EXOC3L2: variants seen among roughly 807,000 people sequenced by gnomAD.
EXOC3L2 encodes exocyst complex component 3-like protein 2.
A neutral mutation model predicts 44.4 loss-of-function variants in EXOC3L2; 17 were observed. That is an observed-to-expected ratio of 0.38 (90% confidence interval 0.26 to 0.57). EXOC3L2 has a LOEUF of 0.57. Among genes scored for constraint, EXOC3L2 ranks in the 20% least tolerant of loss-of-function variants. EXOC3L2 has a pLI of 0.65. For synonymous variants in EXOC3L2, 256 were observed against 253.7 expected (o/e 1.01, Z -0.09); for missense variants, 541 against 588.4 (o/e 0.92, Z 0.83).
intron 10 of EXOC3L2, chr19:45,216,876 A>C (rs547179276): frequency 6.6e-6 from 1 of 152,080 alleles, no homozygotes; most frequent in African/African-American, 2.4e-5. Flanking sequence ...TGGAACTCCA[A>C]GAAGAGCGAC....
rs1272964828 is a variant in EXOC3L2 at position 45,238,174 on chromosome 19, T to C, written c.523+349A>G. 6.6e-6 allele frequency among the ~76,000 whole-genome samples: 1 copy of C among 151,262 alleles called. No homozygotes were observed. On this transcript the variant is annotated intron_variant, in intron 2 of 11. Coordinates refer to ENST00000413988, the MANE Select transcript of EXOC3L2 (RefSeq NM_001382422.1). The surrounding 1 kb of genome is among the most constrained non-coding windows in gnomAD (Gnocchi z 5.5). ...AATAAAATAAAGAAATTGAAGAAAT[T>C]GGGGATAGAAAGAGAAGGGGGAGAG... is the stretch of plus-strand genomic sequence containing the variant.
chr19:45,221,038 G>A lies in EXOC3L2; in HGVS notation c.1720-2719C>T, dbSNP rs10407277. Reference sequence around the variant, plus strand: ...GTGGGTCTCTCCCTGAGACAGGGGCGGGGGGAGGGTCGGGGGAGAGGCTGC... The same window carrying A: ...GTGGGTCTCTCCCTGAGACAGGGGCAGGGGGAGGGTCGGGGGAGAGGCTGC... On this transcript the variant is annotated intron_variant, in intron 8 of 11. Transcript: ENST00000413988. Among the ~76,000 whole-genome samples, 12 of 149,962 alleles carry A rather than the reference G, an allele frequency of 8.0e-5. No individual in the cohort carries two copies. In the South Asian group the frequency reaches 1.9e-3, roughly 24 times the overall value.
At chr19:45,230,908 G>A (rs1277724580) in intron 4 of EXOC3L2, among the ~76,000 whole-genome samples, 2 of 151,454 alleles carry the variant, frequency 1.3e-5, no homozygotes, top group African/African-American at 4.9e-5. Flanking sequence ...AAAATGGCAA[G>A]ACCCTGTCTC....
chr19:45,233,044 C>A (rs1054506412), intron 3 of EXOC3L2, among the ~76,000 whole-genome samples: 1 of 152,008 alleles, frequency 6.6e-6, no homozygotes, highest in African/African-American at 2.4e-5. Context: ...GGTGAAACCC[C>A]GTCTCTACTA....
At chr19:45,225,148 T>C (rs10412154) in intron 7 of EXOC3L2, among the ~76,000 whole-genome samples, 9,791 of 117,690 alleles carry the variant, frequency 0.083, 524 homozygotes, top group African/African-American at 0.16. Flanking sequence ...GGCTGAGGGA[T>C]GGCTAGGAGG....
chr19:45,242,992 A>G (rs750100773), intron 1 of EXOC3L2, among the ~76,000 whole-genome samples: 1 of 152,104 alleles, frequency 6.6e-6, no homozygotes, highest in Non-Finnish European at 1.5e-5. Context: ...TACCCGTCCA[A>G]GTAGATTTTT....
intron 1 of EXOC3L2, 44 bp from the exon 2 acceptor site, chr19:45,239,105 G>A (rs1183416965): frequency 7.5e-6 from 3 of 398,508 alleles, no homozygotes; most frequent in Non-Finnish European, 8.8e-6. Flanking sequence ...GATGACAATG[G>A]TGGTATGGAT....
At chr19:45,244,158 C>T (rs966916620) in intron 1 of EXOC3L2, among the ~76,000 whole-genome samples, 7 of 150,680 alleles carry the variant, frequency 4.6e-5, no homozygotes, top group South Asian at 2.1e-4. Flanking sequence ...TGAGTTCAAG[C>T]GATCCACCTG....
chr19:45,217,501 C>T lies in EXOC3L2; in HGVS notation c.1998+27G>A, dbSNP rs889195876. The T allele has an allele frequency of 2.8e-5, 44 of 1,551,172 alleles. No individual in the cohort carries two copies. The African/African-American group carries it at 6.1e-4, about 21-fold the overall frequency. Reference sequence around the variant, plus strand: ...CCAAGCCTTGTCCTGGTTTCTGAAACACCCCCAACCGCGTCCCGACACTGA... The same window carrying T: ...CCAAGCCTTGTCCTGGTTTCTGAAATACCCCCAACCGCGTCCCGACACTGA... On this transcript the variant is annotated intron_variant, in intron 10 of 11. Coordinates refer to ENST00000413988, the MANE Select transcript of EXOC3L2 (RefSeq NM_001382422.1).
intron 3 of EXOC3L2, among the ~76,000 whole-genome samples, chr19:45,233,429 A>G (rs1044414737): frequency 6.6e-6 from 1 of 152,166 alleles, no homozygotes; most frequent in African/African-American, 2.4e-5. Flanking sequence ...GCAGTGTAGG[A>G]TTCTAGAATT....
chr19:45,219,818 C>T (rs1325683843), intron 8 of EXOC3L2, among the ~76,000 whole-genome samples: 2 of 152,162 alleles, frequency 1.3e-5, no homozygotes, highest in African/African-American at 4.8e-5. Context: ...TGCAAATGCA[C>T]CAAATGAATT....
At position 45,236,543 on chromosome 19, in the gene EXOC3L2, G is replaced by A. The variant is rs150220828; in HGVS notation, c.524-1717C>T. 2.0e-3 allele frequency among the ~76,000 whole-genome samples: 299 copies of A among 151,178 alleles called. 2 individuals carry two copies. The highest frequency in any genetic ancestry group is 6.9e-3 in the African/African-American group (285 of 41,228). On this transcript the variant is annotated intron_variant, in intron 2 of 11. Transcript: ENST00000413988. ...GGAAGTGAGTTGGGCTTGGGAATAG[G>A]AACATGGATGGAATTGAAAATGGAG...
chr19:45,223,187 A>G (rs1969916472), intron 8 of EXOC3L2, among the ~76,000 whole-genome samples: 1 of 152,114 alleles, frequency 6.6e-6, no homozygotes, highest in Non-Finnish European at 1.5e-5. Context: ...CAAGAGATCG[A>G]GACCATCCTG....
chr19:45,238,302 T>G lies in EXOC3L2; in HGVS notation c.523+221A>C, dbSNP rs1249037207. ...TTGAGGGTGGGCATATATTAACAGG[T>G]GGCACTGAAGAGAAAGGTTGACGAC... On this transcript the variant is annotated intron_variant, in intron 2 of 11. Coordinates refer to ENST00000413988, the MANE Select transcript of EXOC3L2 (RefSeq NM_001382422.1). This position sits in a 1 kb window ranked among gnomAD's most constrained non-coding sequence, Gnocchi z 5.5. 6.6e-6 allele frequency among the ~76,000 whole-genome samples: 1 copy of G among 151,838 alleles called. No homozygotes were observed. The highest frequency in any genetic ancestry group is 1.5e-5 in the Non-Finnish European group (1 of 67,952).
intron 8 of EXOC3L2, among the ~76,000 whole-genome samples, chr19:45,223,621 C>T (rs1969922285): frequency 6.7e-6 from 1 of 148,424 alleles, no homozygotes; most frequent in South Asian, 2.3e-4. Context: ...GGATTACAGG[C>T]GTGAGCCACC....
chr19:45,230,206 A>T (rs1267137910), intron 4 of EXOC3L2, among the ~76,000 whole-genome samples: 1 of 151,008 alleles, frequency 6.6e-6, no homozygotes, highest in Admixed American at 6.6e-5. Flanking sequence ...ATGTTTTACA[A>T]AACATTTTTG....
At chr19:45,221,539 G>C (rs998677279) in intron 8 of EXOC3L2, among the ~76,000 whole-genome samples, 1 of 151,100 alleles carries the variant, frequency 6.6e-6, no homozygotes, top group Non-Finnish European at 1.5e-5. Context: ...AGTAGAGATG[G>C]GGTTTCACCG....
At chr19:45,232,130 A>G (rs1042118242) in intron 3 of EXOC3L2, among the ~76,000 whole-genome samples, 3 of 152,092 alleles carry the variant, frequency 2.0e-5, no homozygotes, top group Non-Finnish European at 4.4e-5. Flanking sequence ...AAGATCTGAC[A>G]TGCAAGGCTT....
At chr19:45,218,629 C>T (rs950558500) in intron 8 of EXOC3L2, among the ~76,000 whole-genome samples, 11 of 152,028 alleles carry the variant, frequency 7.2e-5, no homozygotes, top group East Asian at 5.8e-4. Flanking sequence ...GAGGGGACAC[C>T]GGAACTGAGG....
Sources: allele counts gnomAD v4.1 joint callset (sites outside exome capture counted in the v4.1 genomes callset), GRCh38; gene constraint gnomAD v4.1.1; non-coding constraint Gnocchi (gnomAD v3.1); transcripts MANE v1.5; gene names NCBI Gene and HGNC (gene_info 2026-07-23, HGNC 2026-07-21).